The following PDE1C variants were observed in gnomAD, a reference collection of about 807,000 sequenced individuals.
The protein encoded by PDE1C is dual specificity calcium/calmodulin-dependent 3',5'-cyclic nucleotide phosphodiesterase 1C.
In PDE1C, 62 loss-of-function variants were observed where a neutral mutation model predicts 93.1. That is an observed-to-expected ratio of 0.67 (90% CI 0.54 to 0.82). The LOEUF is 0.82. PDE1C is among the 40% of genes least tolerant of loss of function. The probability of loss-of-function intolerance (pLI) is 0.00; values close to 1 mark genes in which losing one functional copy is unlikely to be tolerated. For missense variants in PDE1C, 742 were observed against 884.6 expected, an observed-to-expected ratio of 0.84 and a Z score of 2.04; for synonymous variants, 325 against 310.1, an observed-to-expected ratio of 1.05 and a Z score of -0.50.
intron 2 of PDE1C, among the ~76,000 whole-genome samples, chr7:32,023,738 A>G (rs1374004189): frequency 3.3e-5 from 5 of 152,146 alleles, no homozygotes; most frequent in African/African-American, 1.2e-4. Flanking sequence ...GAACAGAGTA[A>G]CAGTTGTCAA....
intron 17 of PDE1C, among the ~76,000 whole-genome samples, chr7:31,754,375 T>G (rs1794316645): frequency 6.6e-6 from 1 of 152,246 alleles, no homozygotes; most frequent in African/African-American, 2.4e-5. Context: ...GCAGCAATTG[T>G]GCATCCTAGG....
chr7:31,795,596 A>G (rs1393353697), intron 16 of PDE1C, among the ~76,000 whole-genome samples: 1 of 151,922 alleles, frequency 6.6e-6, no homozygotes. Flanking sequence ...AAAGTTGTTC[A>G]GAAAGTCTAA....
chr7:32,221,482 G>A (rs1244706931), intron 1 of PDE1C, among the ~76,000 whole-genome samples: 5 of 152,164 alleles, frequency 3.3e-5, no homozygotes, highest in Non-Finnish European at 5.9e-5. Flanking sequence ...TGACAAGCCC[G>A]TGGTCTTGTT....
chr7:32,120,431 C>T (rs1799233408), intron 3 of PDE1C, among the ~76,000 whole-genome samples: 1 of 152,158 alleles, frequency 6.6e-6, no homozygotes, highest in Admixed American at 6.5e-5. Context: ...CCCATGCCAC[C>T]CAACTGGTAT....
chr7:31,703,110 A>G, the PDE1C span, among the ~76,000 whole-genome samples: 1 of 152,346 alleles, frequency 6.6e-6, no homozygotes, highest in Non-Finnish European at 1.5e-5. Context: ...TATGTCTCCC[A>G]GGGCTGTTAA....
At chr7:31,886,183 T>A (rs2128889320) in intron 2 of PDE1C, among the ~76,000 whole-genome samples, 1 of 152,346 alleles carries the variant, frequency 6.6e-6, no homozygotes, top group Non-Finnish European at 1.5e-5. Context: ...TTTCAGTTCA[T>A]CACACCCATG....
intron 1 of PDE1C, among the ~76,000 whole-genome samples, chr7:32,384,716 G>T (rs1201506329): frequency 4.1e-4 from 62 of 152,130 alleles, no homozygotes; most frequent in Admixed American, 4.0e-3. Context: ...GAACCATAAA[G>T]ATTTTTAAAA....
chr7:31,626,528 A>C, the PDE1C span, among the ~76,000 whole-genome samples: 1 of 152,210 alleles, frequency 6.6e-6, no homozygotes, highest in East Asian at 1.9e-4. Context: ...CATGAATATC[A>C]CAAAGATGGA....
intron 2 of PDE1C, among the ~76,000 whole-genome samples, chr7:32,004,337 C>T (rs1785889843): frequency 6.6e-6 from 1 of 152,038 alleles, no homozygotes; most frequent in South Asian, 2.1e-4. Flanking sequence ...TAAATTTTAC[C>T]TGAGGAGGAG....
intron 2 of PDE1C, among the ~76,000 whole-genome samples, chr7:32,002,692 C>T (rs1785636004): frequency 6.6e-6 from 1 of 152,106 alleles, no homozygotes; most frequent in Admixed American, 6.6e-5. Flanking sequence ...TATGTGCCAC[C>T]TCTTATGAAA....
intron 15 of PDE1C, among the ~76,000 whole-genome samples, chr7:31,812,320 C>A (rs1233216264): frequency 1.3e-5 from 2 of 152,114 alleles, no homozygotes; most frequent in African/African-American, 2.4e-5. Flanking sequence ...TAACCAACTT[C>A]AAAATGAATT....
At chr7:32,257,304 A>G (rs921321604) in intron 1 of PDE1C, among the ~76,000 whole-genome samples, 1 of 152,182 alleles carries the variant, frequency 6.6e-6, no homozygotes, top group African/African-American at 2.4e-5. Flanking sequence ...CGTCAGGTTC[A>G]TCTCTATTCA....
chr7:31,642,896 A>C, the PDE1C span: 1 of 1,614,028 alleles, frequency 6.2e-7, no homozygotes, highest in Non-Finnish European at 8.5e-7. Flanking sequence ...TTTCTGCTTG[A>C]GGCCATGGAG....
intron 2 of PDE1C, among the ~76,000 whole-genome samples, chr7:32,028,423 C>T (rs530382261): frequency 2.4e-4 from 37 of 152,230 alleles, no homozygotes; most frequent in Non-Finnish European, 4.7e-4. Flanking sequence ...TTGAGTCACA[C>T]CTTCAATCTA....
chr7:32,313,779 A>G (rs554437080), intron 1 of PDE1C, among the ~76,000 whole-genome samples: 38 of 150,168 alleles, frequency 2.5e-4, no homozygotes, highest in African/African-American at 8.8e-4. Flanking sequence ...GGGGAGGGGT[A>G]GCATTAGGAG....
intron 1 of PDE1C, among the ~76,000 whole-genome samples, chr7:32,380,700 C>T (rs1784517877): frequency 6.6e-6 from 1 of 152,108 alleles, no homozygotes; most frequent in Non-Finnish European, 1.5e-5. Flanking sequence ...TTGATCTCCA[C>T]CCCCTTCTGG....
chr7:31,677,602 T>C, the PDE1C span, among the ~76,000 whole-genome samples: 4 of 152,168 alleles, frequency 2.6e-5, no homozygotes, highest in Admixed American at 2.6e-4. Flanking sequence ...AACTCATTCA[T>C]GTAAGAAAAA....
chr7:31,707,952 T>A, the PDE1C span: 1 of 152,212 alleles, frequency 6.6e-6, no homozygotes, highest in African/African-American at 2.4e-5. Context: ...TATCTTCAAA[T>A]TTATTTTTGT....
chr7:31,643,858 A>G, the PDE1C span: 1 of 1,613,904 alleles, frequency 6.2e-7, no homozygotes, highest in Non-Finnish European at 8.5e-7. Context: ...CTCAGTCTGT[A>G]GGCACTGCCT....
Sources: allele counts gnomAD v4.1 joint callset (sites outside exome capture counted in the v4.1 genomes callset), GRCh38; gene constraint gnomAD v4.1.1; transcripts MANE v1.5; gene names NCBI Gene and HGNC (gene_info 2026-07-23, HGNC 2026-07-21).